WDR20: variants seen among roughly 807,000 people sequenced by gnomAD.
WDR20 encodes WD repeat-containing protein 20.
Under a neutral mutation model 38.7 loss-of-function variants are expected in WDR20, and 3 were observed. The observed-to-expected ratio is 0.08, with a 90% CI of 0.04 to 0.20. The LOEUF (loss-of-function observed/expected upper bound fraction) is 0.20, where lower values mean the gene tolerates loss of function less well. WDR20 is among the 10% of genes least tolerant of loss of function. WDR20 has a pLI of 1.00. For synonymous variants in WDR20, 298 were observed against 285.6 expected, an observed-to-expected ratio of 1.04 and a Z score of -0.44; for missense variants, 559 against 727.7, an observed-to-expected ratio of 0.77 and a Z score of 2.67.
At chr14:102,181,133 T>C (rs911255062) in intron 1 of WDR20, among the ~76,000 whole-genome samples, 12 of 152,158 alleles carry the variant, frequency 7.9e-5, no homozygotes, top group African/African-American at 1.4e-4. Context: ...ACATAACTTA[T>C]GAACTTTAAC....
intron 1 of WDR20, among the ~76,000 whole-genome samples, chr14:102,153,949 G>C (rs928443347): frequency 6.6e-6 from 1 of 152,208 alleles, no homozygotes; most frequent in Non-Finnish European, 1.5e-5. Flanking sequence ...ACTTTGGGAT[G>C]CTGAAGCAGG....
intron 2 of WDR20, among the ~76,000 whole-genome samples, chr14:102,197,127 G>A (rs1442802720): frequency 6.6e-6 from 1 of 152,174 alleles, no homozygotes; most frequent in Non-Finnish European, 1.5e-5. Flanking sequence ...AGGGTGGGGA[G>A]TTGTTCCCAT....
Position 102,209,929 on chromosome 14 carries a change from C to A in WDR20, c.*49C>A. The A allele has an allele frequency of 6.5e-7, 1 of 1,528,208 alleles. No homozygotes were observed. Among genetic ancestry groups the A allele is most frequent in the South Asian group, 1.3e-5 (1 of 77,288 alleles). 94.7% of individuals were successfully genotyped at this position (1,528,208 alleles called of 1,614,324 possible). A position where few individuals can be genotyped will look rare whatever the true frequency, so the allele number is the denominator to read the frequency against. ...AATAGGTAGTGACTTTTTTCTTTTT[C>A]GTGGGAGGGGTGGGGTGTACAATGA... On this transcript the variant is annotated 3_prime_UTR_variant, in exon 3 of 3. Coordinates refer to ENST00000342702, the MANE Select transcript of WDR20 (RefSeq NM_144574.4). This position sits in a 1 kb window ranked among gnomAD's most constrained non-coding sequence, Gnocchi z 6.0.
At chr14:102,175,837 A>G (rs1335453214) in intron 1 of WDR20, among the ~76,000 whole-genome samples, 1 of 152,036 alleles carries the variant, frequency 6.6e-6, no homozygotes, top group Non-Finnish European at 1.5e-5. Context: ...TAAGTTCTTG[A>G]TTTGATTCTC....
At chr14:102,153,781 G>T (rs764014994) in intron 1 of WDR20, among the ~76,000 whole-genome samples, 6 of 152,116 alleles carry the variant, frequency 3.9e-5, no homozygotes, top group Non-Finnish European at 8.8e-5. Context: ...TGCATTGCTG[G>T]CTCCTTCTTG....
chr14:102,146,464 G>A (rs1218228405), intron 1 of WDR20, among the ~76,000 whole-genome samples: 1 of 152,138 alleles, frequency 6.6e-6, no homozygotes, highest in Non-Finnish European at 1.5e-5. Flanking sequence ...TGCCCGGCTA[G>A]AAGAGCTTTA....
chr14:102,176,650 T>C (rs2062177681), intron 1 of WDR20, among the ~76,000 whole-genome samples: 1 of 151,848 alleles, frequency 6.6e-6, no homozygotes, highest in African/African-American at 2.4e-5. Context: ...TGGTTTTGGG[T>C]ATTAGGGTGA....
At chr14:102,139,703 G>A (rs1402954786), upstream of WDR20, 18 of 702,672 alleles carry the variant, frequency 2.6e-5, no homozygotes, top group Non-Finnish European at 3.9e-5. Flanking sequence ...GGAGCCTGCG[G>A]ACGCCCAGTC....
chr14:102,201,097 T>G (rs2060312479), intron 2 of WDR20, among the ~76,000 whole-genome samples: 1 of 152,246 alleles, frequency 6.6e-6, no homozygotes. Context: ...TCCTTAAAGC[T>G]TGAACACAGA....
At chr14:102,145,006 T>G (rs1346591141) in intron 1 of WDR20, among the ~76,000 whole-genome samples, 1 of 152,244 alleles carries the variant, frequency 6.6e-6, no homozygotes, top group Non-Finnish European at 1.5e-5. Context: ...TCTTGTGCTT[T>G]GCCTTCCTAG....
rs1272577952 is a variant in WDR20 at position 102,195,042 on chromosome 14, C to T, written c.354C>T (p.Leu118=). 2.5e-6 allele frequency: 4 copies of T among 1,614,202 alleles called. No individual in the cohort carries two copies. The highest frequency in any genetic ancestry group is 3.4e-6 in the Non-Finnish European group (4 of 1,180,026). Residue 118 remains leucine, a synonymous_variant, in exon 2 of 3, where the codon CTC becomes CTT. Transcript: ENST00000342702. ...HLTATAESVS[L]LVGFSAGQVQ... ...CAGCCACAGCAGAAAGTGTCTCTCT[C>T]CTAGTGGGCTTTTCCGCAGGCCAAG...
chr14:102,195,082 C>T lies in WDR20; in HGVS notation c.394C>T (p.Pro132Ser). The change falls in exon 2 of 3, where the codon CCA (proline) becomes TCA (serine). Residue 132 changes from proline to serine, a missense_variant. Pro to Ser is a moderately conservative substitution (Grantham distance 74). Coordinates refer to ENST00000342702, the MANE Select transcript of WDR20 (RefSeq NM_144574.4). ...FSAGQVQLID[P>S]IKKETSKLFN... ...CGCAGGCCAAGTCCAGCTTATAGAC[C>T]CAATCAAAAAAGAAACTAGCAAACT... The T allele has an allele frequency of 2.5e-6, 4 of 1,613,894 alleles. No homozygotes were observed. The highest frequency in any genetic ancestry group is 3.4e-6 in the Non-Finnish European group (4 of 1,179,936).
Position 102,209,694 on chromosome 14 carries a change from TCTGGGAACGCCCCTGTGTC to T in WDR20, c.1527_1545del (p.Gly510GlufsTer8). ...AAACCAAAACGGACCCTGCTAAAAC[TCTGGGAACGCCCCTGTGTC>T]CTCGAATGGAAGATGTTCCCTTGTT... On this transcript the variant is annotated frameshift_variant, in exon 3 of 3. Transcript: ENST00000342702. LOFTEE classifies it high-confidence loss of function. The surrounding 1 kb of genome is among the most constrained non-coding windows in gnomAD (Gnocchi z 6.0). 1 of 1,614,114 alleles carries T rather than the reference TCTGGGAACGCCCCTGTGTC, an allele frequency of 6.2e-7. No individual in the cohort carries two copies. The highest frequency in any genetic ancestry group is 8.5e-7 in the Non-Finnish European group (1 of 1,180,040).
chr14:102,205,260 CAA>C (rs574170540), intron 2 of WDR20, among the ~76,000 whole-genome samples: 27 of 116,630 alleles, frequency 2.3e-4, no homozygotes, highest in Non-Finnish European at 2.2e-4. Context: ...GACCCTGTCT[CAA>C]AAAAAAAAAA....
At chr14:102,171,355 T>C (rs1334516764) in intron 1 of WDR20, 1 of 150,282 alleles carries the variant, frequency 6.7e-6, no homozygotes, top group Non-Finnish European at 1.5e-5. Flanking sequence ...CCTCAAGCTC[T>C]TTGGCTCAAG....
chr14:102,205,253 C>A (rs2061313137), intron 2 of WDR20, among the ~76,000 whole-genome samples: 2 of 147,700 alleles, frequency 1.4e-5, no homozygotes, highest in South Asian at 4.3e-4. Context: ...GGAGCGAGAC[C>A]CTGTCTCAAA....
downstream of WDR20, chr14:102,213,029 G>C (rs903304544): frequency 4.1e-5 from 41 of 990,380 alleles, no homozygotes; most frequent in Admixed American, 5.8e-5. Context: ...CACCCGGCAA[G>C]GGGGCGAGCT....
chr14:102,195,139 T>C lies in WDR20; in HGVS notation c.432+19T>C. ...TGAGGAAGTAAGTAGCACCCTGTCT[T>C]AGCTGTTAAGAATCCCTTTAAGAGT... is the stretch of plus-strand genomic sequence containing the variant. On this transcript the variant is annotated intron_variant, in intron 2 of 2. Coordinates refer to ENST00000342702, the MANE Select transcript of WDR20 (RefSeq NM_144574.4). 1 of 1,612,116 alleles carries C rather than the reference T, an allele frequency of 6.2e-7. No individual in the cohort carries two copies. Among genetic ancestry groups the C allele is most frequent in the Non-Finnish European group, 8.5e-7 (1 of 1,179,104 alleles).
Position 102,177,834 on chromosome 14 carries a change from C to T in WDR20, c.250-17104C>T, listed in dbSNP as rs530705835. On this transcript the variant is annotated intron_variant, in intron 1 of 2. Transcript: ENST00000342702. ...AATTTAAGCTTGTTCTACACAAACT[C>T]CAGTCACCTATATTGATTCCAACCA... Among the ~76,000 whole-genome samples, 16 of 152,306 alleles carry T rather than the reference C, an allele frequency of 1.1e-4. No homozygotes were observed. The South Asian group carries it at 2.9e-3, about 28-fold the overall frequency.
Sources: gnomAD v4.1 joint callset for allele counts (sites outside exome capture counted in the v4.1 genomes callset) on GRCh38, gnomAD v4.1.1 for gene constraint, Gnocchi (gnomAD v3.1) non-coding constraint, MANE v1.5 for transcripts, NCBI Gene and HGNC (gene_info 2026-07-23, HGNC 2026-07-21) for gene names.